The following CALCOCO1 variants were observed in gnomAD, a reference collection of about 807,000 sequenced individuals.
CALCOCO1 encodes the protein calcium binding and coiled-coil domain 1, also known as calcium-binding and coiled-coil domain-containing protein 1.
CALCOCO1 carries 44 observed loss-of-function variants against 86.3 expected under a neutral mutation model. The observed-to-expected ratio is 0.51, with a 90% CI of 0.40 to 0.66. The LOEUF is 0.66. Ranked by LOEUF, CALCOCO1 falls within the 30% of genes least tolerant of loss-of-function variation. The probability of loss-of-function intolerance (pLI) is 0.00; values close to 1 mark genes in which losing one functional copy is unlikely to be tolerated. For synonymous variants in CALCOCO1, 297 were observed against 327.6 expected (o/e 0.91, Z 1.01); for missense variants, 708 against 851.1 (o/e 0.83, Z 2.09).
chr12:53,717,336 G>C (rs554999841), intron 7 of CALCOCO1, among the ~76,000 whole-genome samples: 8 of 152,150 alleles, frequency 5.3e-5, no homozygotes, highest in Non-Finnish European at 1.0e-4. Flanking sequence ...CAAAATGTTG[G>C]GATTACAGGC....
chr12:53,721,408 C>T (rs1945862419), intron 6 of CALCOCO1, 59 bp downstream of exon 6: 1 of 1,476,432 alleles, frequency 6.8e-7, no homozygotes, highest in Non-Finnish European at 9.1e-7. Context: ...AGAGAGGGGG[C>T]TGGAGTGCGG....
At chr12:53,723,849 G>A (rs1020795226) in intron 3 of CALCOCO1, 66 bp from the exon 4 acceptor site, 2 of 1,412,228 alleles carry the variant, frequency 1.4e-6, no homozygotes, top group Non-Finnish European at 2.0e-6. Flanking sequence ...CCCCTTGCTC[G>A]GTGTTCCATA....
rs1431102511 is a variant in CALCOCO1 at position 53,710,160 on chromosome 12, C to T, written c.*1784G>A. ...TTAAATCATTGTTATAATTAACTTTCATTAAAGGAGGATCAATAAAGAGGG... is the reference window on the plus strand; with the variant it reads ...TTAAATCATTGTTATAATTAACTTTTATTAAAGGAGGATCAATAAAGAGGG... On this transcript the variant is annotated 3_prime_UTR_variant, in exon 15 of 15. Transcript: ENST00000550804. 1 of 152,102 alleles carries T rather than the reference C, an allele frequency of 6.6e-6. No homozygotes were observed. Among genetic ancestry groups the T allele is most frequent in the Non-Finnish European group, 1.5e-5 (1 of 68,036 alleles). 9.4% of individuals were successfully genotyped at this position (152,102 alleles called of 1,614,324 possible).
rs17765360 is a variant in CALCOCO1 at position 53,709,000 on chromosome 12, A to G, written c.*2944T>C. On this transcript the variant is annotated 3_prime_UTR_variant, in exon 15 of 15. Coordinates refer to ENST00000550804, the MANE Select transcript of CALCOCO1 (RefSeq NM_020898.3). ...GCACACTAAGCAATCTACATTTCTC[A>G]TTCCTGTAGGTAACAGGTGGCCATT... is the stretch of plus-strand genomic sequence containing the variant. 0.22 allele frequency: 33,282 copies of G among 152,178 alleles called. 4,097 individuals are homozygous for G. The highest frequency in any genetic ancestry group is 0.29 in the Non-Finnish European group (19,381 of 67,982). The allele number at this position is 152,178 out of a possible 1,614,324, so 9.4% of individuals were successfully genotyped here. A position where few individuals can be genotyped will look rare whatever the true frequency, so the allele number is the denominator to read the frequency against.
intron 1 of CALCOCO1, chr12:53,726,342 A>G (rs1331825930): frequency 6.6e-6 from 1 of 152,116 alleles, no homozygotes; most frequent in East Asian, 1.9e-4. Flanking sequence ...ACACTACAGG[A>G]TGGGGTTGAG....
rs757334638 is a variant in CALCOCO1 at position 53,724,655 on chromosome 12, G to C, written c.249C>G (p.Val83=). 1 of 1,613,498 alleles carries C rather than the reference G, an allele frequency of 6.2e-7. No homozygotes were observed. Among genetic ancestry groups the C allele is most frequent in the East Asian group, 2.2e-5 (1 of 44,868 alleles). ...CATCTTCCCTTGTACCTTGGAACTG[G>C]ACACTGGTGTGAATGGGGGAACCAT... The part of the protein sequence containing the change: ...TTDGSPIHTS[V]QFQASYLPKP... Residue 83 remains valine, a synonymous_variant, in exon 3 of 15, where the codon GTC becomes GTG. Coordinates refer to ENST00000550804, the MANE Select transcript of CALCOCO1 (RefSeq NM_020898.3).
rs1355325839 is a variant in CALCOCO1, at chr12:53,715,345, G to A, written c.1261-20C>T. The A allele has an allele frequency of 6.2e-7, 1 of 1,613,534 alleles. No individual in the cohort carries two copies. The highest frequency in any genetic ancestry group is 8.5e-7 in the Non-Finnish European group (1 of 1,179,788). On this transcript the variant is annotated intron_variant, in intron 9 of 14. Coordinates refer to ENST00000550804, the MANE Select transcript of CALCOCO1 (RefSeq NM_020898.3). ...CTCTGCCTGAGAGATAGCCAAGAAGGAAAATGGGAGGGTGGAGGGGGAAGA... is the reference window on the plus strand; with the variant it reads ...CTCTGCCTGAGAGATAGCCAAGAAGAAAAATGGGAGGGTGGAGGGGGAAGA...
chr12:53,713,559 G>T, intron 13 of CALCOCO1, 142 bp downstream of exon 13: 1 of 775,644 alleles, frequency 1.3e-6, no homozygotes, highest in Non-Finnish European at 2.1e-6. Context: ...AGCTACTCTT[G>T]GGAGACTGAG....
Position 53,715,844 on chromosome 12 carries a change from T to C in CALCOCO1, c.1209A>G (p.Glu403=), listed in dbSNP as rs1175977607. ...RLAELGLHLK[E]EKCQWSKERA... is the part of the protein sequence containing the mutation. ...GCTCCTTGCTCCATTGGCATTTTTC[T>C]TCCTTCAAGTGCAAACCGAGCTCAG... Residue 403 remains glutamate, a synonymous_variant, in exon 9 of 15, where the codon GAA becomes GAG. Transcript: ENST00000550804. 6.2e-7 allele frequency: 1 copy of C among 1,614,096 alleles called. No individual in the cohort carries two copies. The highest frequency in any genetic ancestry group is 8.5e-7 in the Non-Finnish European group (1 of 1,180,028).
At position 53,716,532 on chromosome 12, in the gene CALCOCO1, A is replaced by G. The variant is rs1945732709; in HGVS notation, c.850-117T>C. 3.8e-6 allele frequency: 4 copies of G among 1,054,400 alleles called. No homozygotes were observed. In the South Asian group the frequency reaches 4.6e-5, roughly 12 times the overall value. 65.3% of individuals were successfully genotyped at this position (1,054,400 alleles called of 1,614,324 possible). On this transcript the variant is annotated intron_variant, in intron 7 of 14. Transcript: ENST00000550804. ...ACTTCTCAGATTTAACACACACTCAAGCCTTCAGCTATTGCCAGCCCTTCT... is the reference window on the plus strand; with the variant it reads ...ACTTCTCAGATTTAACACACACTCAGGCCTTCAGCTATTGCCAGCCCTTCT...
At chr12:53,717,514 T>C (rs975108399) in intron 7 of CALCOCO1, among the ~76,000 whole-genome samples, 1 of 152,242 alleles carries the variant, frequency 6.6e-6, no homozygotes, top group Non-Finnish European at 1.5e-5. Context: ...CTGAGTGTTC[T>C]GGCCTTTAAG....
intron 7 of CALCOCO1, among the ~76,000 whole-genome samples, chr12:53,717,962 T>C (rs1287168925): frequency 6.6e-6 from 1 of 152,166 alleles, no homozygotes; most frequent in Non-Finnish European, 1.5e-5. Context: ...AAGGCAGAAG[T>C]TGCAGTGAGC....
chr12:53,725,809 G>C (rs990765942), intron 1 of CALCOCO1: 3 of 152,282 alleles, frequency 2.0e-5, no homozygotes, highest in Non-Finnish European at 4.4e-5. Context: ...TGGGGGTCGA[G>C]GGGAACTGAG....
chr12:53,713,127 A>G lies in CALCOCO1; in HGVS notation c.1871T>C (p.Leu624Pro). The stretch of plus-strand genomic sequence containing the variant: ...GGCCATGTCATAGAAGGCACTGCCC[A>G]GTTCAGGAAGCAGTAAGTTGGCCTC... ...GEEANLLLPELGSAFYDMASG... is the reference protein window; with the variant it reads ...GEEANLLLPEPGSAFYDMASG... The change falls in exon 14 of 15, where the codon CTG (leucine) becomes CCG (proline). Residue 624 changes from leucine (L) to proline (P), a missense_variant. Transcript: ENST00000550804. The G allele has an allele frequency of 1.2e-6, 2 of 1,614,110 alleles. No individual in the cohort carries two copies. Among genetic ancestry groups the G allele is most frequent in the Non-Finnish European group, 1.7e-6 (2 of 1,179,980 alleles).
At position 53,713,893 on chromosome 12, in the gene CALCOCO1, C is replaced by T. The variant is rs753554149; in HGVS notation, c.1599G>A (p.Pro533=). The part of the protein sequence containing the change: ...DEEAAVGLSC[P]AALTDSEDES... ...CGTCCTCTGAGTCTGTCAGAGCTGC[C>T]GGGCAGCCTGTAGGAGATGAAGCAG... is the stretch of plus-strand genomic sequence containing the variant. Residue 533 remains proline, a synonymous_variant, in exon 13 of 15, where the codon CCG becomes CCA. Transcript: ENST00000550804. 17 of 1,523,348 alleles carry T rather than the reference C, an allele frequency of 1.1e-5. No homozygotes were observed. In the East Asian group the frequency reaches 1.6e-4, roughly 14 times the overall value. The allele number at this position is 1,523,348 out of a possible 1,614,324, so 94.4% of individuals were successfully genotyped here.
Position 53,721,535 on chromosome 12 carries a change from G to A in CALCOCO1, c.690C>T (p.Ile230=), listed in dbSNP as rs1428823287. The change falls in exon 6 of 15, where the codon ATC becomes ATT. Residue 230 remains isoleucine, a synonymous_variant. Transcript: ENST00000550804. ...TCTGGATGTCATCCTCTAGCTCCAG[G>A]ATGCGTGCCACATGGTCTCCCTGTT... The part of the protein sequence containing the change: ...SRQQGDHVAR[I]LELEDDIQTI... 1.9e-6 allele frequency: 3 copies of A among 1,613,840 alleles called. No individual in the cohort carries two copies. Among genetic ancestry groups the A allele is most frequent in the African/African-American group, 2.7e-5 (2 of 75,000 alleles).
Position 53,727,402 on chromosome 12 carries a change from A to G in CALCOCO1, c.-25+2T>C, listed in dbSNP as rs1328496583. 1 of 152,170 alleles carries G rather than the reference A, an allele frequency of 6.6e-6. No homozygotes were observed. 9.4% of individuals were successfully genotyped at this position (152,170 alleles called of 1,614,324 possible). A position where few individuals can be genotyped will look rare whatever the true frequency, so the allele number is the denominator to read the frequency against. ...CGCCCCCAATTAGGCCAAGTTTCTTACCCAACAGACGGATCAGCTGTTCCC... is the reference window on the plus strand; with the variant it reads ...CGCCCCCAATTAGGCCAAGTTTCTTGCCCAACAGACGGATCAGCTGTTCCC... On this transcript the variant is annotated splice_donor_variant, in intron 1 of 14. Coordinates refer to ENST00000550804, the MANE Select transcript of CALCOCO1 (RefSeq NM_020898.3). LOFTEE classifies it low-confidence loss of function (5UTR_SPLICE).
Position 53,711,569 on chromosome 12 carries a change from G to C in CALCOCO1, c.*375C>G. On this transcript the variant is annotated 3_prime_UTR_variant, in exon 15 of 15. Coordinates refer to ENST00000550804, the MANE Select transcript of CALCOCO1 (RefSeq NM_020898.3). ...GGGTGCCCCAGGAATTGGCTTTGGG[G>C]CATCAGACAAGGGAGTGTGAGTGTG... is the stretch of plus-strand genomic sequence containing the variant. The C allele has an allele frequency of 3.4e-6, 1 of 290,402 alleles. No individual in the cohort carries two copies. The highest frequency in any genetic ancestry group is 6.3e-6 in the Non-Finnish European group (1 of 158,234). The allele number at this position is 290,402 out of a possible 1,614,324, so 18.0% of individuals were successfully genotyped here.
At chr12:53,720,580 T>C (rs2120617941) in intron 6 of CALCOCO1, among the ~76,000 whole-genome samples, 1 of 152,282 alleles carries the variant, frequency 6.6e-6, no homozygotes, top group East Asian at 1.9e-4. Flanking sequence ...ACATCTAATA[T>C]CTCCCTAGGG....
Sources: gnomAD v4.1 joint callset for allele counts (sites outside exome capture counted in the v4.1 genomes callset) on GRCh38, gnomAD v4.1.1 for gene constraint, MANE v1.5 for transcripts, NCBI Gene and HGNC (gene_info 2026-07-23, HGNC 2026-07-21) for gene names.